ASH1L: variants seen among roughly 807,000 people sequenced by gnomAD.
The protein encoded by ASH1L is ASH1 like histone lysine methyltransferase, also known as histone-lysine N-methyltransferase ASH1L.
Under a neutral mutation model 269.0 loss-of-function variants are expected in ASH1L, and 23 were observed. The observed-to-expected ratio is 0.09, with a 90% CI of 0.06 to 0.12. ASH1L has a LOEUF of 0.12. ASH1L is among the 10% of genes least tolerant of loss of function. ASH1L has a pLI of 1.00. For synonymous variants in ASH1L, 1,187 were observed against 1,253.5 expected (o/e 0.95, Z 1.12); for missense variants, 2,912 against 3,567.8 (o/e 0.82, Z 4.68).
chr1:155,444,906 C>T (rs1462254233), intron 4 of ASH1L, among the ~76,000 whole-genome samples: 3 of 142,232 alleles, frequency 2.1e-5, no homozygotes, highest in Non-Finnish European at 4.4e-5. Flanking sequence ...CGTGAGCCAC[C>T]GCGCCCGGCC....
At chr1:155,488,515 A>T (rs1666492180) in intron 2 of ASH1L, among the ~76,000 whole-genome samples, 1 of 149,092 alleles carries the variant, frequency 6.7e-6, no homozygotes, top group African/African-American at 2.5e-5. Context: ...AAAAAAAAAA[A>T]AAAAAAAAAT....
At chr1:155,555,008 T>A (rs1671486386) in intron 1 of ASH1L, among the ~76,000 whole-genome samples, 1 of 151,118 alleles carries the variant, frequency 6.6e-6, no homozygotes, top group African/African-American at 2.4e-5. Flanking sequence ...CCGGGCATGG[T>A]GGCATACACC....
At chr1:155,348,550 A>G (rs1052020520) in intron 19 of ASH1L, among the ~76,000 whole-genome samples, 9 of 152,112 alleles carry the variant, frequency 5.9e-5, no homozygotes, top group Non-Finnish European at 1.2e-4. Context: ...CAGCTATTCC[A>G]TAATCTATCA....
intron 13 of ASH1L, among the ~76,000 whole-genome samples, chr1:155,358,521 TAA>T (rs925436886): frequency 5.3e-5 from 8 of 151,192 alleles, no homozygotes; most frequent in East Asian, 1.9e-4. Context: ...CAGTCTCTAC[TAA>T]AAAAAATACA....
intron 5 of ASH1L, among the ~76,000 whole-genome samples, chr1:155,425,496 T>C (rs971578966): frequency 2.0e-5 from 3 of 151,094 alleles, no homozygotes; most frequent in African/African-American, 4.9e-5. Context: ...TGGAGTGCAA[T>C]GGTGCGATCT....
chr1:155,387,434 C>T (rs761435487), intron 7 of ASH1L, among the ~76,000 whole-genome samples: 10 of 152,154 alleles, frequency 6.6e-5, no homozygotes, highest in South Asian at 2.1e-4. Context: ...TTAAAGATCA[C>T]GCAGTTGTAG....
intron 4 of ASH1L, among the ~76,000 whole-genome samples, chr1:155,439,731 T>C (rs1299696849): frequency 6.6e-6 from 1 of 151,904 alleles, no homozygotes; most frequent in Non-Finnish European, 1.5e-5. Context: ...AATAAGTCAC[T>C]TCCCATGCTG....
intron 5 of ASH1L, among the ~76,000 whole-genome samples, chr1:155,420,377 A>AACAAAT (rs1660575103): frequency 6.6e-6 from 1 of 150,898 alleles, no homozygotes; most frequent in African/African-American, 2.4e-5. Context: ...AAAAAAAAAA[A>AACAAAT]ACAAAAACAA....
chr1:155,465,248 T>C (rs1570896181), intron 3 of ASH1L, among the ~76,000 whole-genome samples: 1 of 88,038 alleles, frequency 1.1e-5, no homozygotes, highest in Non-Finnish European at 2.1e-5. Context: ...CATCCTAGCC[T>C]AGAAAAACAA....
chr1:155,366,654 T>A (rs892979982), intron 12 of ASH1L, among the ~76,000 whole-genome samples: 4 of 152,210 alleles, frequency 2.6e-5, no homozygotes, highest in Non-Finnish European at 5.9e-5. Context: ...TATGAAGCTA[T>A]TGTAAATTGT....
intron 2 of ASH1L, among the ~76,000 whole-genome samples, chr1:155,511,913 C>T (rs533660159): frequency 1.3e-5 from 2 of 151,878 alleles, no homozygotes; most frequent in South Asian, 4.2e-4. Context: ...TGGGTTCAAG[C>T]GATTCTCCTG....
intron 2 of ASH1L, among the ~76,000 whole-genome samples, chr1:155,512,571 C>T (rs1432824167): frequency 1.3e-5 from 2 of 149,330 alleles, no homozygotes; most frequent in African/African-American, 4.9e-5. Context: ...CTTGCTTCAG[C>T]CTCCTGAGTA....
intron 21 of ASH1L, 25 bp downstream of exon 21, chr1:155,346,358 G>C: frequency 1.2e-6 from 2 of 1,610,032 alleles, no homozygotes; most frequent in Non-Finnish European, 1.7e-6. Context: ...TTATAGATCA[G>C]AGTTTTATCA....
chr1:155,417,450 C>T (rs942224432), intron 5 of ASH1L, among the ~76,000 whole-genome samples: 10 of 152,258 alleles, frequency 6.6e-5, no homozygotes, highest in African/African-American at 1.4e-4. Flanking sequence ...CTAAACACTA[C>T]GTTGTGCATG....
chr1:155,532,869 GTGTATATATA>G (rs1571085089), intron 1 of ASH1L, among the ~76,000 whole-genome samples: 2 of 147,328 alleles, frequency 1.4e-5, no homozygotes, highest in African/African-American at 5.0e-5. Context: ...ACATATATAT[GTGTATATATA>G]TGTATATATA....
intron 6 of ASH1L, among the ~76,000 whole-genome samples, chr1:155,402,316 A>T (rs1041467303): frequency 3.3e-5 from 5 of 152,168 alleles, no homozygotes; most frequent in African/African-American, 1.2e-4. Context: ...ATTTTTTCAT[A>T]ATGTCACCTT....
chr1:155,432,698 T>C (rs150213682), intron 5 of ASH1L, among the ~76,000 whole-genome samples: 1 of 152,332 alleles, frequency 6.6e-6, no homozygotes, highest in Non-Finnish European at 1.5e-5. Context: ...ACCATGATAC[T>C]AGAATTTGCT....
At position 155,344,156 on chromosome 1, in the gene ASH1L, A is replaced by C. The variant is rs1209949953; in HGVS notation, c.7981+27T>G. Reference sequence around the variant, plus strand: ...ACTATTCAGAAAGGTCACCTCTGACAAGTAGGATTAGCTCCTGTATACATA... The same window carrying C: ...ACTATTCAGAAAGGTCACCTCTGACCAGTAGGATTAGCTCCTGTATACATA... On this transcript the variant is annotated intron_variant, in intron 22 of 27. Transcript: ENST00000392403. The C allele has an allele frequency of 1.9e-6, 3 of 1,597,302 alleles. No homozygotes were observed. The South Asian group carries it at 3.3e-5, about 18-fold the overall frequency.
At chr1:155,497,650 A>G (rs1020624866) in intron 2 of ASH1L, among the ~76,000 whole-genome samples, 5 of 152,056 alleles carry the variant, frequency 3.3e-5, no homozygotes, top group Admixed American at 2.6e-4. Flanking sequence ...TTATACTTGG[A>G]TTTTCAACTG....
Sources: gnomAD v4.1 joint callset for allele counts (sites outside exome capture counted in the v4.1 genomes callset) on GRCh38, gnomAD v4.1.1 for gene constraint, MANE v1.5 for transcripts, NCBI Gene and HGNC (gene_info 2026-07-23, HGNC 2026-07-21) for gene names.